The following DOCK5 variants were observed in gnomAD, a reference collection of about 807,000 sequenced individuals.
DOCK5 encodes the protein dedicator of cytokinesis protein 5.
Under a neutral mutation model 251.8 loss-of-function variants are expected in DOCK5, and 142 were observed. The ratio of observed to expected loss-of-function variants is 0.56; its 90% CI spans 0.49 to 0.65. DOCK5 has a LOEUF of 0.65. Ranked by LOEUF, DOCK5 falls within the 30% of genes least tolerant of loss-of-function variation. The pLI, the probability that DOCK5 is intolerant of heterozygous loss-of-function variation, is 0.00. For synonymous variants in DOCK5, 842 were observed against 835.5 expected (o/e 1.01, Z -0.13); for missense variants, 2,111 against 2,312.3 (o/e 0.91, Z 1.79).
intron 1 of DOCK5, among the ~76,000 whole-genome samples, chr8:25,190,267 T>C (rs1222118304): frequency 6.6e-6 from 1 of 152,174 alleles, no homozygotes; most frequent in African/African-American, 2.4e-5. Context: ...TTACAAAGGA[T>C]AGAAAATGAA....
intron 42 of DOCK5, among the ~76,000 whole-genome samples, chr8:25,391,408 G>A (rs1345011046): frequency 1.3e-5 from 2 of 152,068 alleles, no homozygotes; most frequent in African/African-American, 4.8e-5. Context: ...GGCTGAGGCG[G>A]GTGGATCACT....
chr8:25,188,676 A>G (rs545008673), intron 1 of DOCK5, among the ~76,000 whole-genome samples: 10 of 152,302 alleles, frequency 6.6e-5, no homozygotes, highest in South Asian at 6.2e-4. Context: ...GTGGATCTCA[A>G]TGGTTTCTGT....
At position 25,323,905 on chromosome 8, in the gene DOCK5, A is replaced by C. The variant is rs762787950; in HGVS notation, c.1673A>C (p.Asp558Ala). The C allele has an allele frequency of 2.5e-6, 4 of 1,613,518 alleles. No homozygotes were observed. The highest frequency in any genetic ancestry group is 1.7e-6 in the Non-Finnish European group (2 of 1,179,728). Reference sequence around the variant, plus strand: ...GCCTTCGTGAAGCTGATGAACCCGGATGGCACCACTCTGCAGGATGGGAGG... The same window carrying C: ...GCCTTCGTGAAGCTGATGAACCCGGCTGGCACCACTCTGCAGGATGGGAGG... Reference protein sequence around the residue: ...GVAFVKLMNPDGTTLQDGRHD... With the variant: ...GVAFVKLMNPAGTTLQDGRHD... The change falls in exon 17 of 52, where the codon GAT (aspartate) becomes GCT (alanine). Residue 558 changes from aspartate (D) to alanine (A), a missense_variant. This residue lies in a region of DOCK5 where 1,717 missense variants were observed against 1,892.4 expected (regional missense o/e 0.91). Coordinates refer to ENST00000276440, the MANE Select transcript of DOCK5 (RefSeq NM_024940.8).
intron 5 of DOCK5, among the ~76,000 whole-genome samples, chr8:25,288,191 G>A (rs772387523): frequency 9.9e-5 from 15 of 152,034 alleles, no homozygotes; most frequent in Admixed American, 4.6e-4. Flanking sequence ...CGGCCAGCCC[G>A]TGCTCTTTTG....
chr8:25,311,434 T>C (rs1158351712), intron 13 of DOCK5, among the ~76,000 whole-genome samples: 1 of 150,464 alleles, frequency 6.6e-6, no homozygotes, highest in Non-Finnish European at 1.5e-5. Flanking sequence ...TCCCAGCTAC[T>C]CGGGAGGCTG....
At position 25,254,773 on chromosome 8, in the gene DOCK5, C is replaced by CAAAAAAAAAAAAAAAAAA. The variant is rs745860086; in HGVS notation, c.127+11025_127+11026insAAAAAAAAAAAAAAAAAA. Among the ~76,000 whole-genome samples the CAAAAAAAAAAAAAAAAAA allele has an allele frequency of 3.0e-4, 2 of 6,560 alleles. 1 individual carries two copies. Among genetic ancestry groups the CAAAAAAAAAAAAAAAAAA allele is most frequent in the Non-Finnish European group, 5.7e-4 (2 of 3,534 alleles). 4.3% of individuals were successfully genotyped at this position (6,560 alleles called of 152,430 possible). On this transcript the variant is annotated intron_variant, in intron 2 of 51. Transcript: ENST00000276440. ...CTGGCGACAAAGCAAGACTTTGTCTCAAAAAAAAACAAAACAAAACAAAAA... is the reference window on the plus strand; with the variant it reads ...CTGGCGACAAAGCAAGACTTTGTCTCAAAAAAAAAAAAAAAAAAAAAAAAAAACAAAACAAAACAAAAA...
At chr8:25,285,330 G>C (rs1164843407) in intron 5 of DOCK5, among the ~76,000 whole-genome samples, 3 of 152,074 alleles carry the variant, frequency 2.0e-5, no homozygotes, top group Non-Finnish European at 4.4e-5. Flanking sequence ...ATTTTCAGTA[G>C]AGAAGGGGTT....
chr8:25,261,985 T>C (rs1327495780), intron 2 of DOCK5, among the ~76,000 whole-genome samples: 1 of 152,232 alleles, frequency 6.6e-6, no homozygotes. Context: ...ATATCATAGT[T>C]ATAGTATAGT....
chr8:25,221,349 G>T (rs185817617), intron 1 of DOCK5, among the ~76,000 whole-genome samples: 37 of 152,062 alleles, frequency 2.4e-4, no homozygotes, highest in Non-Finnish European at 3.7e-4. Flanking sequence ...TCGCTCTGTC[G>T]CCAGGCTGGA....
chr8:25,192,311 G>A (rs998978868), intron 1 of DOCK5, among the ~76,000 whole-genome samples: 3 of 152,052 alleles, frequency 2.0e-5, no homozygotes, highest in Non-Finnish European at 2.9e-5. Context: ...GGGTCAAATG[G>A]TATTTCTAGT....
rs531523517 is a variant in DOCK5, at chr8:25,281,655, C to T, written c.321+2990C>T. The stretch of plus-strand genomic sequence containing the variant: ...CAGCACTTTGGGAGGCTGAGGTGGG[C>T]GGATCACAAGGACAGGAGTTCAAGA... On this transcript the variant is annotated intron_variant, in intron 5 of 51. Coordinates refer to ENST00000276440, the MANE Select transcript of DOCK5 (RefSeq NM_024940.8). Among the ~76,000 whole-genome samples, 6 of 150,998 alleles carry T rather than the reference C, an allele frequency of 4.0e-5. No homozygotes were observed. In the South Asian group the frequency reaches 1.3e-3, roughly 32 times the overall value.
intron 51 of DOCK5, 142 bp from the exon 52 acceptor site, chr8:25,411,052 T>C (rs1460701843): frequency 1.8e-6 from 2 of 1,134,166 alleles, no homozygotes; most frequent in East Asian, 3.5e-5. Context: ...GTCAGTGTAG[T>C]TTTCCATTTC....
intron 2 of DOCK5, among the ~76,000 whole-genome samples, chr8:25,258,710 C>G (rs960116281): frequency 7.2e-5 from 11 of 152,206 alleles, no homozygotes; most frequent in African/African-American, 2.7e-4. Context: ...TATTCTATAC[C>G]TAGCCAGTGG....
intron 1 of DOCK5, among the ~76,000 whole-genome samples, chr8:25,189,935 G>T (rs1269703210): frequency 6.6e-6 from 1 of 152,070 alleles, no homozygotes; most frequent in Non-Finnish European, 1.5e-5. Context: ...CGCCCAGGCT[G>T]GAGTGCAGTG....
At position 25,296,559 on chromosome 8, in the gene DOCK5, CTAGACCCTGACGAAACCAGCACCA is replaced by C; in HGVS notation, c.519_542del (p.Asp174_Ile181del). 6.2e-7 allele frequency: 1 copy of C among 1,611,970 alleles called. No homozygotes were observed. The highest frequency in any genetic ancestry group is 8.5e-7 in the Non-Finnish European group (1 of 1,179,070). On this transcript the variant is annotated inframe_deletion, in exon 7 of 52. Transcript: ENST00000276440. ...GGTGCGAGATGACAATGGGAACATC[CTAGACCCTGACGAAACCAGCACCA>C]TTGCCCTCTTCAAGGCCCATGAGGT...
intron 1 of DOCK5, among the ~76,000 whole-genome samples, chr8:25,220,658 T>G (rs1232121032): frequency 1.3e-5 from 2 of 152,230 alleles, no homozygotes; most frequent in African/African-American, 4.8e-5. Context: ...GTCGCCCAGG[T>G]TGGAGTATAG....
intron 1 of DOCK5, among the ~76,000 whole-genome samples, chr8:25,201,820 T>C (rs1801885396): frequency 6.6e-6 from 1 of 152,198 alleles, no homozygotes; most frequent in African/African-American, 2.4e-5. Flanking sequence ...GCAGCCTCCC[T>C]GACAGTACCC....
At chr8:25,253,737 A>G (rs1803337598) in intron 2 of DOCK5, among the ~76,000 whole-genome samples, 1 of 152,252 alleles carries the variant, frequency 6.6e-6, no homozygotes, top group African/African-American at 2.4e-5. Context: ...GCATATATTG[A>G]TGAAAGAATT....
At chr8:25,207,979 G>A (rs1033909524) in intron 1 of DOCK5, among the ~76,000 whole-genome samples, 34 of 152,180 alleles carry the variant, frequency 2.2e-4, no homozygotes, top group African/African-American at 8.2e-4. Context: ...ATGGGAGGAG[G>A]TCAAAATATC....
Sources: gnomAD v4.1 joint callset for allele counts (sites outside exome capture counted in the v4.1 genomes callset) on GRCh38, gnomAD v4.1.1 for gene constraint, gnomAD v4.1.1 regional missense constraint, MANE v1.5 for transcripts, NCBI Gene and HGNC (gene_info 2026-07-23, HGNC 2026-07-21) for gene names.